Variants in TTLL1 observed in about 807,000 individuals in gnomAD.
The protein encoded by TTLL1 is polyglutamylase complex subunit TTLL1.
A neutral mutation model predicts 47.8 loss-of-function variants in TTLL1; 33 were observed. The observed-to-expected ratio is 0.69, with a 90% CI of 0.52 to 0.92. The LOEUF is 0.92. Among genes scored for constraint, TTLL1 ranks in the 40% least tolerant of loss-of-function variants. The pLI is 0.00. For missense variants in TTLL1, 488 were observed against 547.5 expected (o/e 0.89, Z 1.08); for synonymous variants, 225 against 214.1 (o/e 1.05, Z -0.45).
chr22:43,068,435 A>G lies in TTLL1; in HGVS notation c.478T>C (p.Trp160Arg). ...GAAGATGTCTTGCTGTCCCGGGACC[A>G]CTTTTTGATCTGTGAGAGCTTGTTG... ...LINKLSQIKK[W>R]SRDSKTSSFV... The change falls in exon 5 of 11, where the codon TGG (tryptophan) becomes CGG (arginine). Residue 160 changes from tryptophan to arginine, a missense_variant. Transcript: ENST00000266254. 1 of 1,541,922 alleles carries G rather than the reference A, an allele frequency of 6.5e-7. No homozygotes were observed. Among genetic ancestry groups the G allele is most frequent in the Non-Finnish European group, 8.9e-7 (1 of 1,129,308 alleles).
chr22:43,039,578 AAG>A lies in TTLL1; in HGVS notation c.*196_*197del, dbSNP rs1491005028. ...TGCTTAGGTTAAAAATTAAAAAAAA[AAG>A]AGCGAGTTTTATACATCCGCATGAA... On this transcript the variant is annotated 3_prime_UTR_variant, in exon 11 of 11. Transcript: ENST00000266254. 6 of 540,546 alleles carry A rather than the reference AAG, an allele frequency of 1.1e-5. No homozygotes were observed. The highest frequency in any genetic ancestry group is 9.0e-5 in the South Asian group (1 of 11,164). The allele number at this position is 540,546 out of a possible 1,614,324, so 33.5% of individuals were successfully genotyped here.
intron 4 of TTLL1, among the ~76,000 whole-genome samples, chr22:43,069,194 G>C (rs988227816): frequency 7.0e-6 from 1 of 142,030 alleles, no homozygotes; most frequent in Non-Finnish European, 1.5e-5. Context: ...GGCCAATATG[G>C]TGAAATCCCA....
intron 8 of TTLL1, among the ~76,000 whole-genome samples, chr22:43,056,854 G>A (rs181583115): frequency 2.0e-5 from 3 of 152,210 alleles, no homozygotes; most frequent in Admixed American, 6.5e-5. Flanking sequence ...GTGCATTGGC[G>A]TGATCGTGGC....
At chr22:43,070,110 T>A (rs1324953115) in intron 3 of TTLL1, 1 of 1,332,594 alleles carries the variant, frequency 7.5e-7, no homozygotes, top group Non-Finnish European at 1.0e-6. Context: ...ACTCAATAGA[T>A]GTTTATTGAT....
chr22:43,082,080 G>T (rs1454959821), intron 1 of TTLL1, among the ~76,000 whole-genome samples: 1 of 151,272 alleles, frequency 6.6e-6, no homozygotes, highest in Non-Finnish European at 1.5e-5. Flanking sequence ...TCAAACTCCT[G>T]ACCTCAAGTG....
intron 7 of TTLL1, among the ~76,000 whole-genome samples, chr22:43,060,510 A>G (rs1382628299): frequency 6.6e-6 from 1 of 151,954 alleles, no homozygotes; most frequent in African/African-American, 2.4e-5. Context: ...CTGGGCTCAC[A>G]CTGCAGTTTA....
chr22:43,085,099 C>T (rs1222113623), intron 1 of TTLL1, among the ~76,000 whole-genome samples: 1 of 151,740 alleles, frequency 6.6e-6, no homozygotes, highest in Admixed American at 6.6e-5. Context: ...GCCTCAGCCT[C>T]CCGAGTAGCT....
intron 1 of TTLL1, among the ~76,000 whole-genome samples, chr22:43,087,315 G>A (rs134986): frequency 0.28 from 42,929 of 151,470 alleles, 7,414 homozygotes; most frequent in East Asian, 0.67. Context: ...ACCTGAGGTC[G>A]GGAGTTCGAG....
rs1926644208 is a variant in TTLL1 at position 43,051,797 on chromosome 22, T to TTA, written c.978+2_978+3dup. 6.2e-7 allele frequency: 1 copy of TTA among 1,613,874 alleles called. No homozygotes were observed. On this transcript the variant is annotated splice_donor_region_variant and intron_variant, in intron 9 of 10. Coordinates refer to ENST00000266254, the MANE Select transcript of TTLL1 (RefSeq NM_012263.5). ...TGACCAGGTGCAGGTGCTCCCGCAG[T>TTA]TACCTCGATCAGCCAGGGCTTCAGC...
intron 10 of TTLL1, among the ~76,000 whole-genome samples, chr22:43,042,596 G>A (rs1925773203): frequency 6.6e-6 from 1 of 152,214 alleles, no homozygotes; most frequent in Non-Finnish European, 1.5e-5. Flanking sequence ...CATGCGGCCA[G>A]TGTCCTCTGC....
At chr22:43,071,425 T>TG (rs1928113106) in intron 3 of TTLL1, among the ~76,000 whole-genome samples, 1 of 151,988 alleles carries the variant, frequency 6.6e-6, no homozygotes, top group Non-Finnish European at 1.5e-5. Flanking sequence ...TTATTTGTTT[T>TG]TGGAGATAGA....
Position 43,063,872 on chromosome 22 carries a change from T to C in TTLL1, c.688A>G (p.Thr230Ala). The C allele has an allele frequency of 6.2e-7, 1 of 1,614,152 alleles. No homozygotes were observed. The highest frequency in any genetic ancestry group is 8.5e-7 in the Non-Finnish European group (1 of 1,180,014). The change falls in exon 7 of 11, where the codon ACC becomes GCC. Residue 230 changes from threonine (T) to alanine (A), a missense_variant. Coordinates refer to ENST00000266254, the MANE Select transcript of TTLL1 (RefSeq NM_012263.5). ...RFCTVKYTPS[T>A]SELDNMFVHL... The stretch of plus-strand genomic sequence containing the variant: ...ACGAACATGTTGTCCAGCTCACTGG[T>C]ACTCGGGGTGTATTTCACTGTGCAG...
intron 3 of TTLL1, among the ~76,000 whole-genome samples, chr22:43,073,849 A>T (rs1372818154): frequency 6.8e-6 from 1 of 147,546 alleles, no homozygotes; most frequent in African/African-American, 2.5e-5. Flanking sequence ...TTTGAGACAG[A>T]GTCTCACTGT....
At chr22:43,041,659 C>A (rs374480185) in intron 10 of TTLL1, among the ~76,000 whole-genome samples, 1 of 151,604 alleles carries the variant, frequency 6.6e-6, no homozygotes. Flanking sequence ...GCATTACAGG[C>A]GCATGCCACC....
Position 43,065,667 on chromosome 22 carries a change from C to T in TTLL1, c.504-1343G>A. ...GTGCGATCACAGCTCACTGCAGTCT[C>T]CTGGGCTCAAGTGATAGTCTCACCT... On this transcript the variant is annotated intron_variant, in intron 5 of 10. Transcript: ENST00000266254. 1.3e-5 allele frequency among the ~76,000 whole-genome samples: 2 copies of T among 151,930 alleles called. 1 individual carries two copies. The highest frequency in any genetic ancestry group is 3.9e-4 in the East Asian group (2 of 5,172).
At chr22:43,059,621 C>T (rs1601675460) in intron 7 of TTLL1, 94 bp from the exon 8 acceptor site, 1 of 1,442,478 alleles carries the variant, frequency 6.9e-7, no homozygotes, top group Non-Finnish European at 9.2e-7. Context: ...TCTGGAGTGC[C>T]CCCTGGGTGT....
intron 3 of TTLL1, among the ~76,000 whole-genome samples, chr22:43,071,774 T>C (rs915776177): frequency 2.6e-5 from 4 of 152,238 alleles, no homozygotes; most frequent in Non-Finnish European, 4.4e-5. Flanking sequence ...CTACTTCTCC[T>C]TGTGGCACTG....
At position 43,039,913 on chromosome 22, in the gene TTLL1, C is replaced by A. The variant is rs1187542498; in HGVS notation, c.1143-8G>T. On this transcript the variant is annotated splice_polypyrimidine_tract_variant and splice_region_variant and intron_variant, in intron 10 of 10. Transcript: ENST00000266254. ...GCCAATTCTTCATCATACCTGGAGACAGAAACAGCCAGGATCACGGCAGGC... is the reference window on the plus strand; with the variant it reads ...GCCAATTCTTCATCATACCTGGAGAAAGAAACAGCCAGGATCACGGCAGGC... 1 of 1,612,334 alleles carries A rather than the reference C, an allele frequency of 6.2e-7. No individual in the cohort carries two copies. The highest frequency in any genetic ancestry group is 1.1e-5 in the South Asian group (1 of 90,978).
chr22:43,059,508 T>C lies in TTLL1; in HGVS notation c.767A>G (p.His256Arg), dbSNP rs757858212. 6.8e-6 allele frequency: 11 copies of C among 1,613,546 alleles called. No homozygotes were observed. The highest frequency in any genetic ancestry group is 1.1e-5 in the South Asian group (1 of 90,988). Residue 256 changes from histidine to arginine, a missense_variant, in exon 8 of 11, where the codon CAT (histidine) becomes CGT (arginine). Physicochemically the swap from His to Arg is conservative, Grantham distance 29. Transcript: ENST00000266254. ...QKHGEDYNHI[H>R]GGKWTVSNLR... ...GTTACTCACTGTCCACTTGCCCCCA[T>C]GGATGTGGTTGTAGTCCTCCTGGTG... is the stretch of plus-strand genomic sequence containing the variant.
Sources: allele counts gnomAD v4.1 joint callset (sites outside exome capture counted in the v4.1 genomes callset), GRCh38; gene constraint gnomAD v4.1.1; transcripts MANE v1.5; gene names NCBI Gene and HGNC (gene_info 2026-07-23, HGNC 2026-07-21).